FRMPD4: variants seen among roughly 807,000 people sequenced by gnomAD.
The protein encoded by FRMPD4 is FERM and PDZ domain-containing protein 4.
In FRMPD4, 22 loss-of-function variants were observed where a neutral mutation model predicts 94.1. That is an observed-to-expected ratio of 0.23 (90% CI 0.17 to 0.33). The LOEUF is 0.33. Ranked by LOEUF, FRMPD4 falls within the 10% of genes least tolerant of loss-of-function variation. FRMPD4 has a pLI of 1.00. For missense variants in FRMPD4, 1,111 were observed against 1,339.9 expected (o/e 0.83, Z 2.67); for synonymous variants, 631 against 548.6 (o/e 1.15, Z -2.10).
At chrX:11,923,912 A>G (rs766191326) in intron 3 of FRMPD4, among the ~76,000 whole-genome samples, 2 of 112,310 alleles carry the variant, frequency 1.8e-5, no homozygotes, top group South Asian at 3.7e-4. Context: ...CTTTCCAGCA[A>G]GGGTTTGGAA....
At chrX:11,988,616 T>TA (rs112556416) in intron 3 of FRMPD4, among the ~76,000 whole-genome samples, 9,685 of 110,456 alleles carry the variant, frequency 0.088, 363 homozygotes, top group East Asian at 0.24. Context: ...CACATCAAGT[T>TA]AAAAAAACTT....
intron 3 of FRMPD4, chrX:12,054,781 A>AT (rs886306817): frequency 8.9e-6 from 1 of 112,069 alleles, no homozygotes; most frequent in East Asian, 2.8e-4. Context: ...GTGTATATCA[A>AT]TTTTTTTAAG....
chrX:11,846,466 T>G (rs2053577648), intron 1 of FRMPD4, among the ~76,000 whole-genome samples: 1 of 110,168 alleles, frequency 9.1e-6, no homozygotes, highest in Non-Finnish European at 1.9e-5. Context: ...CAAGGTAATT[T>G]ATAGATTCAA....
chrX:12,716,425 G>C lies in FRMPD4; in HGVS notation c.1966G>C (p.Gly656Arg). The C allele has an allele frequency of 8.3e-7, 1 of 1,209,413 alleles. No homozygotes were observed. Among genetic ancestry groups the C allele is most frequent in the Non-Finnish European group, 1.1e-6 (1 of 893,826 alleles). The change falls in exon 15 of 17, where the codon GGA (glycine) becomes CGA (arginine). Residue 656 changes from glycine to arginine, a missense_variant. Gly to Arg is a moderately radical substitution (Grantham distance 125, BLOSUM62 -2). This residue lies in a region of FRMPD4 where 192 missense variants were observed against 192.5 expected (regional missense o/e 1.00). Coordinates refer to ENST00000675598, the MANE Select transcript of FRMPD4 (RefSeq NM_001368397.1). Reference protein sequence around the residue: ...PRGAKVSFIFGDFALDDGISP... With the variant: ...PRGAKVSFIFRDFALDDGISP... ...AGGAGCTAAAGTGTCCTTTATTTTT[G>C]GAGACTTCGCCTTGGATGATGGTAT... is the stretch of plus-strand genomic sequence containing the variant.
At chrX:12,694,627 TAAC>T (rs1050710925) in intron 9 of FRMPD4, among the ~76,000 whole-genome samples, 173 bp downstream of exon 9, 2 of 112,350 alleles carry the variant, frequency 1.8e-5, no homozygotes, top group Non-Finnish European at 3.8e-5. Context: ...GATTTTGAAA[TAAC>T]ATCATACTTC....
At chrX:12,488,346 T>A (rs2057758838) in intron 1 of FRMPD4, among the ~76,000 whole-genome samples, 2 of 112,144 alleles carry the variant, frequency 1.8e-5, no homozygotes, top group African/African-American at 6.5e-5. Flanking sequence ...TCTTACAACA[T>A]CACATTTGAA....
intron 1 of FRMPD4, among the ~76,000 whole-genome samples, chrX:12,329,869 A>C (rs1482660113): frequency 1.8e-5 from 2 of 109,379 alleles, no homozygotes; most frequent in African/African-American, 3.3e-5. Context: ...AAAAAAAAAA[A>C]AAAAACAACA....
At chrX:12,070,492 C>G (rs1601916663) in intron 3 of FRMPD4, among the ~76,000 whole-genome samples, 1 of 111,687 alleles carries the variant, frequency 9.0e-6, no homozygotes, top group Non-Finnish European at 1.9e-5. Context: ...GTTATTATAT[C>G]TGGTTTGTTT....
chrX:12,539,455 T>A (rs1361065668), intron 2 of FRMPD4, among the ~76,000 whole-genome samples: 1 of 111,190 alleles, frequency 9.0e-6, no homozygotes, highest in Non-Finnish European at 1.9e-5. Flanking sequence ...AAGATACTCC[T>A]CGAGAAGAGC....
At chrX:11,847,562 G>A (rs186107305) in intron 1 of FRMPD4, among the ~76,000 whole-genome samples, 2,364 of 107,878 alleles carry the variant, frequency 0.022, 22 homozygotes, top group Non-Finnish European at 0.034. Context: ...AAATCATGCT[G>A]CTATAAAGAC....
chrX:12,240,718 C>T (rs1000617780), intron 1 of FRMPD4, among the ~76,000 whole-genome samples: 4 of 111,819 alleles, frequency 3.6e-5, no homozygotes, highest in Non-Finnish European at 1.9e-5. Context: ...CAGGGGTGTC[C>T]AATAATTGAG....
intron 1 of FRMPD4, among the ~76,000 whole-genome samples, chrX:12,479,048 G>A (rs2057639627): frequency 9.0e-6 from 1 of 110,841 alleles, no homozygotes; most frequent in African/African-American, 3.3e-5. Flanking sequence ...TAATAACACA[G>A]GATTGGAAAA....
At chrX:12,069,741 GA>G (rs1476187029) in intron 3 of FRMPD4, among the ~76,000 whole-genome samples, 2 of 111,871 alleles carry the variant, frequency 1.8e-5, no homozygotes, top group African/African-American at 6.5e-5. Flanking sequence ...ATTCACCCAT[GA>G]GGGGGAAGAG....
intron 3 of FRMPD4, among the ~76,000 whole-genome samples, chrX:11,929,847 C>G (rs183905750): frequency 2.7e-5 from 3 of 110,480 alleles, no homozygotes; most frequent in Non-Finnish European, 3.8e-5. Flanking sequence ...GTGGCTCACA[C>G]CTGTAATCCC....
At chrX:12,405,827 G>A (rs2148058890) in intron 1 of FRMPD4, among the ~76,000 whole-genome samples, 1 of 111,430 alleles carries the variant, frequency 9.0e-6, no homozygotes, top group Admixed American at 9.5e-5. Flanking sequence ...CAATGGGGCA[G>A]GTTCTATACA....
intron 3 of FRMPD4, among the ~76,000 whole-genome samples, chrX:12,029,662 T>C (rs775312853): frequency 8.9e-6 from 1 of 111,928 alleles, no homozygotes; most frequent in African/African-American, 3.2e-5. Context: ...AAAGTCTGTG[T>C]CTCCATTACT....
chrX:11,877,239 G>A (rs764128029), intron 2 of FRMPD4, among the ~76,000 whole-genome samples: 4 of 111,999 alleles, frequency 3.6e-5, no homozygotes, highest in South Asian at 3.7e-4. Context: ...AGGTAGATGC[G>A]TTAAATCTCA....
intron 3 of FRMPD4, among the ~76,000 whole-genome samples, chrX:11,897,578 A>C (rs1211236721): frequency 8.9e-6 from 1 of 111,993 alleles, no homozygotes; most frequent in Non-Finnish European, 1.9e-5. Context: ...TATTTTAAAA[A>C]GTGGTTATCA....
chrX:12,214,277 G>A (rs1186439990), intron 1 of FRMPD4, among the ~76,000 whole-genome samples: 1 of 111,066 alleles, frequency 9.0e-6, no homozygotes, highest in African/African-American at 3.3e-5. Context: ...CAAGCATAAT[G>A]ACGTAAGATA....
Sources: allele counts gnomAD v4.1 joint callset (sites outside exome capture counted in the v4.1 genomes callset), GRCh38; gene constraint gnomAD v4.1.1; regional missense constraint gnomAD v4.1.1; transcripts MANE v1.5; gene names NCBI Gene and HGNC (gene_info 2026-07-23, HGNC 2026-07-21).